ZNF479: variants seen among roughly 807,000 people sequenced by gnomAD.
ZNF479 encodes zinc finger protein 479, also known as KRAB zinc finger protein KR19.
ZNF479 carries 15 observed loss-of-function variants against 14.7 expected under a neutral mutation model. The ratio of observed to expected loss-of-function variants is 1.02; its 90% confidence interval spans 0.68 to 1.57. The LOEUF (loss-of-function observed/expected upper bound fraction) is 1.57. Ranked by LOEUF, ZNF479 falls within the 40% of genes most tolerant of loss-of-function variation. ZNF479 has a pLI of 0.00. For synonymous variants in ZNF479, 145 were observed against 211.5 expected, an observed-to-expected ratio of 0.69 and a Z score of 2.73; for missense variants, 506 against 615.1, an observed-to-expected ratio of 0.82 and a Z score of 1.88.
chr7:57,120,444 G>A lies in ZNF479; in HGVS notation c.971C>T (p.Pro324Leu). Residue 324 changes from proline to leucine, a missense_variant, in exon 4 of 4, where the codon CCC becomes CTC. Physicochemically the swap from Pro to Leu is moderately conservative, Grantham distance 98 (BLOSUM62 -3). Coordinates refer to ENST00000319636, the MANE Select transcript of ZNF479 (RefSeq NM_001370129.2). ...TTTGCCACATTCCTCACACCTGCAG[G>A]GTTTCTCTCCAGTATGAATTCTCTT... ...DHKRIHTGEK[P>L]CRCEECGKAF... is the part of the protein sequence containing the mutation. 6.2e-7 allele frequency: 1 copy of A among 1,611,960 alleles called. No individual in the cohort carries two copies. Among genetic ancestry groups the A allele is most frequent in the South Asian group, 1.1e-5 (1 of 91,002 alleles).
intron 1 of ZNF479, among the ~76,000 whole-genome samples, chr7:57,128,477 GAA>G (rs1161524952): frequency 6.6e-6 from 1 of 152,130 alleles, no homozygotes; most frequent in African/African-American, 2.4e-5. Context: ...AACCTCAATA[GAA>G]CATGTTTCAC....
intron 1 of ZNF479, among the ~76,000 whole-genome samples, chr7:57,128,156 C>T (rs896563374): frequency 3.9e-5 from 6 of 151,944 alleles, no homozygotes; most frequent in African/African-American, 1.5e-4. Context: ...TCAGGCTGGC[C>T]TTGAACTCCT....
chr7:57,128,487 C>T (rs1000043548), intron 1 of ZNF479, among the ~76,000 whole-genome samples: 30 of 152,288 alleles, frequency 2.0e-4, no homozygotes, highest in African/African-American at 6.3e-4. Flanking sequence ...GAACATGTTT[C>T]ACTTTTCACT....
chr7:57,130,222 C>T (rs1786352733), intron 1 of ZNF479, among the ~76,000 whole-genome samples: 1 of 152,196 alleles, frequency 6.6e-6, no homozygotes, highest in African/African-American at 2.4e-5. Context: ...CTCCTGTAAT[C>T]CCAGCACTTT....
At position 57,132,402 on chromosome 7, in the gene ZNF479, G is replaced by C. The variant is rs1057356901; in HGVS notation, c.-78C>G. 87 of 1,606,296 alleles carry C rather than the reference G, an allele frequency of 5.4e-5. No individual in the cohort carries two copies. Among genetic ancestry groups the C allele is most frequent in the Non-Finnish European group, 7.1e-5 (83 of 1,173,334 alleles). ...GCAGAGGACACAGAGCAGTGAAGAG[G>C]AGAACTGCAGCTCTGGACGCAGAGA... On this transcript the variant is annotated 5_prime_UTR_variant, in exon 1 of 4. Coordinates refer to ENST00000319636, the MANE Select transcript of ZNF479 (RefSeq NM_001370129.2).
At chr7:57,132,576 T>C (rs1442656424), upstream of ZNF479, among the ~76,000 whole-genome samples, 2 of 152,130 alleles carry the variant, frequency 1.3e-5, no homozygotes, top group Non-Finnish European at 2.9e-5. Context: ...GATCAGACAC[T>C]GGGCTGAGTG....
rs1785788576 is a variant in ZNF479 at position 57,119,021 on chromosome 7, T to C, written c.*819A>G. On this transcript the variant is annotated 3_prime_UTR_variant, in exon 4 of 4. Transcript: ENST00000319636. ...AGCAGAGTTTCTCTCCAGTATAAAA[T>C]TTTTTAGTGAGTAAGCATGGAGAAC... Among the ~76,000 whole-genome samples the C allele has an allele frequency of 6.6e-6, 1 of 152,162 alleles. No individual in the cohort carries two copies. Among genetic ancestry groups the C allele is most frequent in the Admixed American group, 6.5e-5 (1 of 15,278 alleles).
chr7:57,123,722 G>A (rs1024360924), intron 3 of ZNF479, among the ~76,000 whole-genome samples: 5 of 152,076 alleles, frequency 3.3e-5, no homozygotes, highest in South Asian at 4.2e-4. Flanking sequence ...AGTGCCAGCC[G>A]CTCAGTAGGC....
chr7:57,138,796 T>C (rs955455921), intron 1 of ZNF479, among the ~76,000 whole-genome samples: 2 of 152,196 alleles, frequency 1.3e-5, no homozygotes, highest in African/African-American at 4.8e-5. Flanking sequence ...ACTGTTAAAA[T>C]TGTCACCTTT....
At chr7:57,136,496 A>G (rs192233041), upstream of ZNF479, among the ~76,000 whole-genome samples, 671 of 152,304 alleles carry the variant, frequency 4.4e-3, 19 homozygotes, top group Non-Finnish European at 1.0e-3. Context: ...TGGGAGCTTG[A>G]CCTTGTAGCC....
At chr7:57,123,797 C>A (rs1281613014) in intron 3 of ZNF479, among the ~76,000 whole-genome samples, 1 of 151,706 alleles carries the variant, frequency 6.6e-6, no homozygotes, top group East Asian at 1.9e-4. Context: ...TGTGCTACTG[C>A]ACTACAGTCT....
chr7:57,131,059 C>T (rs565342429), intron 1 of ZNF479, among the ~76,000 whole-genome samples: 7 of 151,972 alleles, frequency 4.6e-5, no homozygotes, highest in Non-Finnish European at 1.0e-4. Flanking sequence ...AATGAGAACA[C>T]GTGGACACAA....
In ZNF479 at chr7:57,119,805, A is replaced by G; in HGVS notation, c.*35T>C. The G allele has an allele frequency of 6.5e-7, 1 of 1,539,328 alleles. No individual in the cohort carries two copies. ...GTTTTTTTCCAGTGTAAATTATTTT[A>G]TGTATTATAAGGCCTGAGGGTGGAC... On this transcript the variant is annotated 3_prime_UTR_variant, in exon 4 of 4. Transcript: ENST00000319636.
chr7:57,136,045 C>T (rs966018903), upstream of ZNF479, among the ~76,000 whole-genome samples: 1 of 148,962 alleles, frequency 6.7e-6, no homozygotes, highest in Non-Finnish European at 1.5e-5. Flanking sequence ...TTACTCTGGG[C>T]CACCATCTTG....
At chr7:57,131,390 C>A (rs1301132999) in intron 1 of ZNF479, among the ~76,000 whole-genome samples, 1 of 151,912 alleles carries the variant, frequency 6.6e-6, no homozygotes, top group Non-Finnish European at 1.5e-5. Context: ...TGGTGAAATC[C>A]TGTCTCTACT....
chr7:57,129,215 A>G (rs953971975), intron 1 of ZNF479, among the ~76,000 whole-genome samples: 3 of 152,220 alleles, frequency 2.0e-5, no homozygotes, highest in Non-Finnish European at 4.4e-5. Context: ...CAGGGCAGGC[A>G]GTGCAGCCTT....
upstream of ZNF479, among the ~76,000 whole-genome samples, chr7:57,132,642 C>T (rs1786488017): frequency 6.6e-6 from 1 of 152,146 alleles, no homozygotes; most frequent in Admixed American, 6.5e-5. Flanking sequence ...CTTCCTCGAT[C>T]GGAGCCAGGC....
At chr7:57,123,062 C>T (rs1199055138) in intron 3 of ZNF479, among the ~76,000 whole-genome samples, 19 of 151,966 alleles carry the variant, frequency 1.3e-4, no homozygotes, top group Admixed American at 1.2e-3. Context: ...TAGAAAATAA[C>T]CTCAGACTGG....
At chr7:57,122,744 C>G (rs1786006079) in intron 3 of ZNF479, among the ~76,000 whole-genome samples, 1 of 151,952 alleles carries the variant, frequency 6.6e-6, no homozygotes, top group Non-Finnish European at 1.5e-5. Context: ...TTTATAGACA[C>G]ATGAAAGCAA....
Sources: allele counts gnomAD v4.1 joint callset (sites outside exome capture counted in the v4.1 genomes callset), GRCh38; gene constraint gnomAD v4.1.1; transcripts MANE v1.5; gene names NCBI Gene and HGNC (gene_info 2026-07-23, HGNC 2026-07-21).